Variants in GALNTL6 observed in about 807,000 individuals in gnomAD.
GALNTL6 encodes the protein polypeptide N-acetylgalactosaminyltransferase-like 6.
Under a neutral mutation model 73.7 loss-of-function variants are expected in GALNTL6, and 46 were observed. That is an observed-to-expected ratio of 0.62 (90% CI 0.49 to 0.80). The LOEUF is 0.80. Among genes scored for constraint, GALNTL6 ranks in the 30% least tolerant of loss-of-function variants. The pLI is 0.00. For missense variants in GALNTL6, 604 were observed against 755.0 expected (o/e 0.80, Z 2.34); for synonymous variants, 259 against 263.7 (o/e 0.98, Z 0.17).
Position 172,515,121 on chromosome 4 carries a change from A to C in GALNTL6, c.553+166432A>C, listed in dbSNP as rs1734557835. On this transcript the variant is annotated intron_variant, in intron 5 of 12. Transcript: ENST00000506823. ...TGATTTTTAAGCAGCTATGAGATGT[A>C]GATGTACAAAGTTGTAATTATTTCT... is the stretch of plus-strand genomic sequence containing the variant. Among the ~76,000 whole-genome samples, 4 of 152,242 alleles carry C rather than the reference A, an allele frequency of 2.6e-5. No homozygotes were observed. The South Asian group carries it at 8.3e-4, about 31-fold the overall frequency.
chr4:172,391,487 T>C (rs1237337416), intron 5 of GALNTL6, among the ~76,000 whole-genome samples: 2 of 152,172 alleles, frequency 1.3e-5, no homozygotes, highest in African/African-American at 4.8e-5. Context: ...ATTACAGGTG[T>C]GAGCCACCGT....
chr4:171,922,292 T>A (rs11935161), intron 2 of GALNTL6, among the ~76,000 whole-genome samples: 70,925 of 151,878 alleles, frequency 0.47, 16,983 homozygotes, highest in Middle Eastern at 0.56. Flanking sequence ...ATACTAAGAA[T>A]ATCCATTTTA....
intron 5 of GALNTL6, among the ~76,000 whole-genome samples, chr4:172,775,983 G>A (rs1230102273): frequency 6.6e-6 from 1 of 152,112 alleles, no homozygotes; most frequent in East Asian, 1.9e-4. Context: ...GCCTGAGTGA[G>A]GTAGGGAGGA....
chr4:172,034,067 G>A (rs1327719880), intron 2 of GALNTL6, among the ~76,000 whole-genome samples: 6 of 151,954 alleles, frequency 3.9e-5, no homozygotes, highest in Admixed American at 3.9e-4. Context: ...GAGTTGTCGG[G>A]GCCCAAACAA....
At chr4:172,903,140 C>CACACTTGTCACTAATTACT (rs376811956) in intron 8 of GALNTL6, among the ~76,000 whole-genome samples, 4,326 of 152,134 alleles carry the variant, frequency 0.028, 209 homozygotes, top group African/African-American at 0.096. Context: ...CCTAAAAGTT[C>CACACTTGTCACTAATTACT]ACACAAATCA....
At chr4:172,234,081 C>T (rs1358368706) in intron 3 of GALNTL6, among the ~76,000 whole-genome samples, 1 of 151,906 alleles carries the variant, frequency 6.6e-6, no homozygotes, top group East Asian at 1.9e-4. Context: ...GTTAATAACT[C>T]TTAACACTGA....
At chr4:171,992,292 C>G (rs1031266537) in intron 2 of GALNTL6, among the ~76,000 whole-genome samples, 1 of 151,660 alleles carries the variant, frequency 6.6e-6, no homozygotes, top group Non-Finnish European at 1.5e-5. Context: ...GTTCCCTAAT[C>G]CTGAGTATAT....
chr4:172,619,264 G>A (rs1340613693), intron 5 of GALNTL6, among the ~76,000 whole-genome samples: 1 of 152,064 alleles, frequency 6.6e-6, no homozygotes, highest in African/African-American at 2.4e-5. Context: ...ATGCCAGATC[G>A]ACAGCCAATC....
At chr4:172,723,126 C>A (rs1735583426) in intron 5 of GALNTL6, among the ~76,000 whole-genome samples, 1 of 152,164 alleles carries the variant, frequency 6.6e-6, no homozygotes, top group African/African-American at 2.4e-5. Context: ...ACCACTCTTC[C>A]ATAGTCACAG....
chr4:172,183,643 A>C (rs1735327830), intron 2 of GALNTL6, among the ~76,000 whole-genome samples: 1 of 152,188 alleles, frequency 6.6e-6, no homozygotes, highest in Non-Finnish European at 1.5e-5. Context: ...GAGCTATCCT[A>C]GCCTTTGATT....
intron 10 of GALNTL6, among the ~76,000 whole-genome samples, chr4:173,006,402 G>A (rs750582880): frequency 6.6e-6 from 1 of 152,130 alleles, no homozygotes; most frequent in Non-Finnish European, 1.5e-5. Flanking sequence ...CCAACACGCT[G>A]CACTCAGATA....
chr4:172,367,059 AGTG>A (rs768729856), intron 5 of GALNTL6, among the ~76,000 whole-genome samples: 10 of 152,214 alleles, frequency 6.6e-5, no homozygotes, highest in African/African-American at 9.6e-5. Flanking sequence ...ACTTTGAAAG[AGTG>A]GTGGTGGTCC....
intron 2 of GALNTL6, among the ~76,000 whole-genome samples, chr4:172,035,927 A>G (rs999587825): frequency 3.9e-5 from 6 of 152,156 alleles, no homozygotes; most frequent in East Asian, 1.9e-4. Flanking sequence ...TATTATTTGC[A>G]TAGTTATCTT....
At chr4:172,683,246 G>A (rs1251254212) in intron 5 of GALNTL6, among the ~76,000 whole-genome samples, 2 of 152,130 alleles carry the variant, frequency 1.3e-5, no homozygotes, top group Non-Finnish European at 2.9e-5. Context: ...GAAATTTCTT[G>A]GATCATTGTA....
At chr4:172,439,520 C>A (rs144343283) in intron 5 of GALNTL6, among the ~76,000 whole-genome samples, 66 of 151,906 alleles carry the variant, frequency 4.3e-4, no homozygotes, top group Middle Eastern at 3.4e-3. Flanking sequence ...TATTGTCACT[C>A]TCCAAGGCTC....
intron 3 of GALNTL6, among the ~76,000 whole-genome samples, chr4:172,281,720 A>T (rs1739065186): frequency 6.6e-6 from 1 of 152,116 alleles, no homozygotes; most frequent in South Asian, 2.1e-4. Context: ...AAACAAACAA[A>T]CAAACAAACA....
At chr4:172,249,258 G>A (rs913670498) in intron 3 of GALNTL6, among the ~76,000 whole-genome samples, 1 of 152,198 alleles carries the variant, frequency 6.6e-6, no homozygotes, top group African/African-American at 2.4e-5. Context: ...AAAGATACTG[G>A]CAGCATTTGG....
intron 2 of GALNTL6, among the ~76,000 whole-genome samples, chr4:171,938,155 G>T (rs371006214): frequency 6.6e-6 from 1 of 151,894 alleles, no homozygotes; most frequent in East Asian, 1.9e-4. Flanking sequence ...ACTTGTAAAG[G>T]TTCATGCTGT....
intron 2 of GALNTL6, among the ~76,000 whole-genome samples, chr4:171,946,669 A>G (rs920957237): frequency 3.3e-5 from 5 of 152,210 alleles, no homozygotes; most frequent in African/African-American, 1.2e-4. Flanking sequence ...TGAAGAGATA[A>G]CATACTTTGG....
Sources: allele counts gnomAD v4.1 joint callset (sites outside exome capture counted in the v4.1 genomes callset), GRCh38; gene constraint gnomAD v4.1.1; transcripts MANE v1.5; gene names NCBI Gene and HGNC (gene_info 2026-07-23, HGNC 2026-07-21).